MDGA2: variants seen among roughly 807,000 people sequenced by gnomAD.
MDGA2 encodes MAM domain containing glycosylphosphatidylinositol anchor 2, also known as MAM domain-containing glycosylphosphatidylinositol anchor protein 2.
In MDGA2, 40 loss-of-function variants were observed where a neutral mutation model predicts 117.8. The ratio of observed to expected loss-of-function variants is 0.34; its 90% CI spans 0.26 to 0.44. MDGA2 has a LOEUF of 0.44. Ranked by LOEUF, MDGA2 falls within the 20% of genes least tolerant of loss-of-function variation. MDGA2 has a pLI of 1.00. For missense variants in MDGA2, 1,123 were observed against 1,250.6 expected, an observed-to-expected ratio of 0.90 and a Z score of 1.54; for synonymous variants, 452 against 439.0, an observed-to-expected ratio of 1.03 and a Z score of -0.37.
rs183927256 is a variant in MDGA2, at chr14:47,455,086, T to A, written c.281-153536A>T. 4.5e-4 allele frequency among the ~76,000 whole-genome samples: 68 copies of A among 152,288 alleles called. 1 individual carries two copies. In the South Asian group the frequency reaches 7.9e-3, roughly 18 times the overall value. Reference sequence around the variant, plus strand: ...CAATACCTTTAAAAAATATGAACATTAGATGATAAAGCATGGACATTATAT... The same window carrying A: ...CAATACCTTTAAAAAATATGAACATAAGATGATAAAGCATGGACATTATAT... On this transcript the variant is annotated intron_variant, in intron 1 of 16. Coordinates refer to ENST00000399232, the MANE Select transcript of MDGA2 (RefSeq NM_001113498.3).
rs777715271 is a variant in MDGA2, at chr14:47,595,547, C to CAAAAAAAAAAAAAAAAAAAAA, written c.280+78969_280+78970insTTTTTTTTTTTTTTTTTTTTT. Among the ~76,000 whole-genome samples the CAAAAAAAAAAAAAAAAAAAAA allele has an allele frequency of 4.3e-5, 3 of 69,052 alleles. 1 individual carries two copies. Among genetic ancestry groups the CAAAAAAAAAAAAAAAAAAAAA allele is most frequent in the African/African-American group, 7.5e-5 (1 of 13,274 alleles). The allele number at this position is 69,052 out of a possible 152,430, so 45.3% of individuals were successfully genotyped here. A position where few individuals can be genotyped will look rare whatever the true frequency, so the allele number is the denominator to read the frequency against. On this transcript the variant is annotated intron_variant, in intron 1 of 16. Coordinates refer to ENST00000399232, the MANE Select transcript of MDGA2 (RefSeq NM_001113498.3). ...AACTCCTTCTAAAAAAACCAAAAAACAAAAAAAAACAAAAAAAAAAAAAAC... is the reference window on the plus strand; with the variant it reads ...AACTCCTTCTAAAAAAACCAAAAAACAAAAAAAAAAAAAAAAAAAAAAAAAAAAAACAAAAAAAAAAAAAAC...
chr14:47,171,267 T>C (rs1289505094), intron 3 of MDGA2, among the ~76,000 whole-genome samples: 2 of 152,102 alleles, frequency 1.3e-5, no homozygotes, highest in African/African-American at 4.8e-5. Flanking sequence ...TAAGTGTACA[T>C]AATACAAACT....
intron 3 of MDGA2, among the ~76,000 whole-genome samples, chr14:47,159,673 A>G (rs1392649900): frequency 1.3e-5 from 2 of 152,088 alleles, no homozygotes; most frequent in Non-Finnish European, 2.9e-5. Flanking sequence ...GTGATAGCTC[A>G]TTGTTACTTT....
At chr14:46,953,063 T>A (rs1337789265) in intron 9 of MDGA2, among the ~76,000 whole-genome samples, 1 of 151,868 alleles carries the variant, frequency 6.6e-6, no homozygotes, top group Non-Finnish European at 1.5e-5. Flanking sequence ...GTGCAATAGA[T>A]ATAAAACCAA....
At chr14:47,365,356 C>T (rs909379372) in intron 1 of MDGA2, among the ~76,000 whole-genome samples, 2 of 152,314 alleles carry the variant, frequency 1.3e-5, no homozygotes, top group Middle Eastern at 3.4e-3. Context: ...GCTGCTAAGG[C>T]GGAGATAACT....
chr14:47,240,647 T>C (rs1887009636), intron 2 of MDGA2, among the ~76,000 whole-genome samples: 1 of 151,832 alleles, frequency 6.6e-6, no homozygotes, highest in African/African-American at 2.4e-5. Context: ...AAATCATGGA[T>C]AGAAAATAAT....
intron 1 of MDGA2, among the ~76,000 whole-genome samples, chr14:47,522,571 A>G (rs1191625604): frequency 1.3e-5 from 2 of 149,840 alleles, no homozygotes; most frequent in Non-Finnish European, 3.0e-5. Context: ...GTAGATAATA[A>G]CTAGTGAGGG....
intron 10 of MDGA2, among the ~76,000 whole-genome samples, chr14:46,902,571 G>T (rs949446935): frequency 3.9e-5 from 6 of 151,982 alleles, no homozygotes; most frequent in African/African-American, 1.4e-4. Context: ...TACAACTAAG[G>T]TTTTGTTTTG....
chr14:47,334,529 G>T (rs1890385722), intron 1 of MDGA2, among the ~76,000 whole-genome samples: 1 of 151,462 alleles, frequency 6.6e-6, no homozygotes, highest in Admixed American at 6.6e-5. Flanking sequence ...ACCATTAGTG[G>T]GATAATTTCT....
intron 1 of MDGA2, among the ~76,000 whole-genome samples, chr14:47,612,883 G>T (rs552831155): frequency 1.3e-5 from 2 of 152,040 alleles, no homozygotes; most frequent in Non-Finnish European, 2.9e-5. Flanking sequence ...TAAACCTGAC[G>T]ATACTTAAAA....
rs561708214 is a variant in MDGA2, at chr14:47,675,265, A to T, written c.-469T>A. Among the ~76,000 whole-genome samples, 1 of 150,716 alleles carries T rather than the reference A, an allele frequency of 6.6e-6. No individual in the cohort carries two copies. Among genetic ancestry groups the T allele is most frequent in the South Asian group, 2.1e-4 (1 of 4,788 alleles). On this transcript the variant is annotated 5_prime_UTR_variant, in exon 1 of 17. The change creates a new upstream start codon in the 5' untranslated region. Coordinates refer to ENST00000399232, the MANE Select transcript of MDGA2 (RefSeq NM_001113498.3). ...CCCCATTCCATCAGTTGCCATTGCAACGCCAATCCTGTTACACGATACAGA... is the reference window on the plus strand; with the variant it reads ...CCCCATTCCATCAGTTGCCATTGCATCGCCAATCCTGTTACACGATACAGA...
intron 3 of MDGA2, among the ~76,000 whole-genome samples, chr14:47,176,133 G>A (rs565807858): frequency 6.6e-6 from 1 of 152,094 alleles, no homozygotes; most frequent in Non-Finnish European, 1.5e-5. Context: ...ACAAACCACT[G>A]CTCAAGGAAA....
chr14:47,637,719 C>A (rs546635261), intron 1 of MDGA2, among the ~76,000 whole-genome samples: 25 of 152,256 alleles, frequency 1.6e-4, no homozygotes, highest in African/African-American at 6.0e-4. Flanking sequence ...AAAATGTTAT[C>A]CAAATTGTAA....
chr14:46,947,058 C>CCATTCTTTTCCCT (rs1885195280), intron 9 of MDGA2, among the ~76,000 whole-genome samples: 1 of 152,058 alleles, frequency 6.6e-6, no homozygotes, highest in South Asian at 2.1e-4. Flanking sequence ...TTCTCATATT[C>CCATTCTTTTCCCT]CATTCTTTTC....
chr14:47,061,112 G>T, intron 7 of MDGA2, 137 bp downstream of exon 7: 2 of 664,566 alleles, frequency 3.0e-6, no homozygotes, highest in South Asian at 2.1e-5. Flanking sequence ...TATTCATTGA[G>T]CATTCAGAAC....
At chr14:47,608,194 A>G (rs1462707992) in intron 1 of MDGA2, among the ~76,000 whole-genome samples, 1 of 152,110 alleles carries the variant, frequency 6.6e-6, no homozygotes, top group Non-Finnish European at 1.5e-5. Flanking sequence ...AGCATGTATC[A>G]TTTCTCATAG....
In MDGA2 at chr14:46,930,842, A is replaced by C. The variant is rs886274981; in HGVS notation, c.2090-10682T>G. 2.6e-5 allele frequency among the ~76,000 whole-genome samples: 4 copies of C among 152,158 alleles called. No homozygotes were observed. In the East Asian group the frequency reaches 7.7e-4, roughly 29 times the overall value. ...AAATTATAAGCTCCAGATGGCAAATATCTCTTCTTCATATATTGTCCCATC... is the reference window on the plus strand; with the variant it reads ...AAATTATAAGCTCCAGATGGCAAATCTCTCTTCTTCATATATTGTCCCATC... On this transcript the variant is annotated intron_variant, in intron 9 of 16. Transcript: ENST00000399232.
At chr14:47,096,058 G>A (rs963011610) in intron 6 of MDGA2, among the ~76,000 whole-genome samples, 3 of 151,942 alleles carry the variant, frequency 2.0e-5, no homozygotes, top group African/African-American at 7.2e-5. Context: ...CCAAAATGGA[G>A]AGAAAACATG....
chr14:47,190,480 T>C (rs1885068075), intron 3 of MDGA2, among the ~76,000 whole-genome samples: 1 of 152,152 alleles, frequency 6.6e-6, no homozygotes, highest in African/African-American at 2.4e-5. Flanking sequence ...AAACAGCAAA[T>C]TCAATTAAGT....
Sources: allele counts gnomAD v4.1 joint callset (sites outside exome capture counted in the v4.1 genomes callset), GRCh38; gene constraint gnomAD v4.1.1; transcripts MANE v1.5; gene names NCBI Gene and HGNC (gene_info 2026-07-23, HGNC 2026-07-21).